The following CPQ variants were observed in gnomAD, a reference collection of about 807,000 sequenced individuals.
CPQ encodes Ser-Met dipeptidase.
In CPQ, 37 loss-of-function variants were observed where a neutral mutation model predicts 45.7. The observed-to-expected ratio is 0.81, with a 90% CI of 0.62 to 1.07. The LOEUF (loss-of-function observed/expected upper bound fraction) is 1.07, where lower values mean the gene tolerates loss of function less well. Among genes scored for constraint, CPQ ranks in the 50% least tolerant of loss-of-function variants. The pLI is 0.00. For missense variants in CPQ, 537 were observed against 572.9 expected (o/e 0.94, Z 0.64); for synonymous variants, 186 against 205.8 (o/e 0.90, Z 0.82).
In CPQ at chr8:96,682,555, T is replaced by A. The variant is rs113257441; in HGVS notation, c.-35+37153T>A. Among the ~76,000 whole-genome samples, 69 of 152,338 alleles carry A rather than the reference T, an allele frequency of 4.5e-4. 2 individuals carry two copies. The highest frequency in any genetic ancestry group is 1.7e-3 in the African/African-American group (69 of 41,592). ...CATGAAAATGGGCTAATACACCAAC[T>A]ATTGTTGTACTGGAGTCTGTCTCTC... On this transcript the variant is annotated intron_variant, in intron 1 of 7. Coordinates refer to ENST00000220763, the MANE Select transcript of CPQ (RefSeq NM_016134.4).
At position 96,997,418 on chromosome 8, in the gene CPQ, A is replaced by G. The variant is rs979428729; in HGVS notation, c.961+31372A>G. On this transcript the variant is annotated intron_variant, in intron 5 of 7. Coordinates refer to ENST00000220763, the MANE Select transcript of CPQ (RefSeq NM_016134.4). ...ACATAGCCTATTCATTTCAGCTACA[A>G]ATAGTTCTCTTTTGTTTCCATTTAC... 8.6e-5 allele frequency among the ~76,000 whole-genome samples: 13 copies of G among 151,974 alleles called. No homozygotes were observed. In the South Asian group the frequency reaches 2.5e-3, roughly 29 times the overall value.
At chr8:96,831,197 G>A (rs753320340) in intron 2 of CPQ, among the ~76,000 whole-genome samples, 1 of 151,486 alleles carries the variant, frequency 6.6e-6, no homozygotes, top group Non-Finnish European at 1.5e-5. Flanking sequence ...TTATTTTTTC[G>A]GTTTCTCTTC....
intron 5 of CPQ, among the ~76,000 whole-genome samples, chr8:97,011,083 A>G (rs1348982911): frequency 6.6e-6 from 1 of 152,196 alleles, no homozygotes; most frequent in South Asian, 2.1e-4. Flanking sequence ...CAGCTCTTCC[A>G]GAAGATAAAT....
chr8:96,700,885 G>C (rs1194912083), intron 1 of CPQ, among the ~76,000 whole-genome samples: 1 of 152,166 alleles, frequency 6.6e-6, no homozygotes, highest in Non-Finnish European at 1.5e-5. Flanking sequence ...GAGCAAAGAA[G>C]AGCTTTATAC....
intron 2 of CPQ, among the ~76,000 whole-genome samples, chr8:96,813,277 A>G (rs1363786378): frequency 6.6e-6 from 1 of 152,100 alleles, no homozygotes; most frequent in Non-Finnish European, 1.5e-5. Context: ...CAAGGCTGGG[A>G]GGGGTGAGGC....
At position 96,744,408 on chromosome 8, in the gene CPQ, G is replaced by C. The variant is rs527791439; in HGVS notation, c.-34-40456G>C. ...CCCTAATGAGATGAACCCGGTACCT[G>C]AGATGGAAATGCAGAAATCACCTGT... On this transcript the variant is annotated intron_variant, in intron 1 of 7. Coordinates refer to ENST00000220763, the MANE Select transcript of CPQ (RefSeq NM_016134.4). 3.9e-5 allele frequency among the ~76,000 whole-genome samples: 6 copies of C among 152,324 alleles called. No individual in the cohort carries two copies. The South Asian group carries it at 6.2e-4, about 16-fold the overall frequency.
At chr8:97,114,670 C>T (rs574826586) in intron 7 of CPQ, among the ~76,000 whole-genome samples, 2 of 152,328 alleles carry the variant, frequency 1.3e-5, no homozygotes, top group Admixed American at 1.3e-4. Context: ...AGACTCACCA[C>T]GGTCTTGTCA....
At chr8:97,009,146 G>A (rs1013317335) in intron 5 of CPQ, among the ~76,000 whole-genome samples, 1 of 152,236 alleles carries the variant, frequency 6.6e-6, no homozygotes, top group East Asian at 1.9e-4. Context: ...CATCAGCAAC[G>A]TCTCCACAGC....
At chr8:97,128,828 C>CAT (rs988589185) in intron 7 of CPQ, among the ~76,000 whole-genome samples, 2 of 152,164 alleles carry the variant, frequency 1.3e-5, no homozygotes, top group Non-Finnish European at 2.9e-5. Context: ...GCTCAACAGC[C>CAT]ATATATTAGG....
intron 6 of CPQ, among the ~76,000 whole-genome samples, chr8:97,039,202 T>C (rs1201628457): frequency 6.6e-5 from 10 of 152,182 alleles, no homozygotes; most frequent in Non-Finnish European, 1.2e-4. Context: ...TTAATGTACT[T>C]CCCGAGTATT....
chr8:96,977,787 C>A (rs914721373), intron 5 of CPQ, among the ~76,000 whole-genome samples: 1 of 152,108 alleles, frequency 6.6e-6, no homozygotes, highest in African/African-American at 2.4e-5. Flanking sequence ...GATGCAAATG[C>A]ATAAGAATGA....
chr8:97,101,249 C>T (rs904982564), intron 7 of CPQ, among the ~76,000 whole-genome samples: 3 of 151,898 alleles, frequency 2.0e-5, no homozygotes, highest in African/African-American at 4.8e-5. Flanking sequence ...GTGGTTCTCA[C>T]ATTAAAAAAA....
chr8:97,035,949 C>T (rs972091389), intron 6 of CPQ, among the ~76,000 whole-genome samples: 5 of 152,222 alleles, frequency 3.3e-5, no homozygotes, highest in South Asian at 2.1e-4. Context: ...CCTCATGATC[C>T]GCCCACCACG....
intron 2 of CPQ, among the ~76,000 whole-genome samples, chr8:96,811,633 T>C (rs1811162844): frequency 6.6e-6 from 1 of 152,182 alleles, no homozygotes; most frequent in African/African-American, 2.4e-5. Context: ...AACTCTATGT[T>C]ATAATCATTT....
intron 4 of CPQ, among the ~76,000 whole-genome samples, chr8:96,912,096 C>A (rs561904034): frequency 1.3e-5 from 2 of 152,280 alleles, no homozygotes; most frequent in African/African-American, 2.4e-5. Flanking sequence ...GCCTTTCTGA[C>A]CCCCCAGAAC....
At chr8:97,139,010 T>A (rs16895256) in intron 7 of CPQ, among the ~76,000 whole-genome samples, 1 of 151,842 alleles carries the variant, frequency 6.6e-6, no homozygotes, top group Non-Finnish European at 1.5e-5. Context: ...AAAATTCAAC[T>A]CTAAACTATT....
chr8:97,120,219 G>A (rs1484166048), intron 7 of CPQ, among the ~76,000 whole-genome samples: 1 of 152,146 alleles, frequency 6.6e-6, no homozygotes, highest in Admixed American at 6.5e-5. Context: ...ACATAAGGAG[G>A]CTAAGGCTGG....
At chr8:96,787,005 G>A (rs998546771) in intron 2 of CPQ, among the ~76,000 whole-genome samples, 12 of 151,360 alleles carry the variant, frequency 7.9e-5, no homozygotes, top group Admixed American at 2.0e-4. Context: ...GGCAATATTT[G>A]CTACAGAAAT....
At chr8:97,058,083 A>G (rs946846574) in intron 6 of CPQ, among the ~76,000 whole-genome samples, 8 of 152,320 alleles carry the variant, frequency 5.3e-5, no homozygotes, top group Admixed American at 5.2e-4. Context: ...TACTTGATCA[A>G]ATAAGGCATA....
Sources: allele counts gnomAD v4.1 joint callset (sites outside exome capture counted in the v4.1 genomes callset), GRCh38; gene constraint gnomAD v4.1.1; transcripts MANE v1.5; gene names NCBI Gene and HGNC (gene_info 2026-07-23, HGNC 2026-07-21).